The following FAM222B variants were observed in gnomAD, a reference collection of about 807,000 sequenced individuals.
FAM222B encodes the protein family with sequence similarity 222 member B, also known as protein FAM222B.
FAM222B carries 12 observed loss-of-function variants against 38.0 expected under a neutral mutation model. The observed-to-expected ratio is 0.32, with a 90% confidence interval of 0.20 to 0.51. The LOEUF (loss-of-function observed/expected upper bound fraction) is 0.51, where lower values mean the gene tolerates loss of function less well. Among genes scored for constraint, FAM222B ranks in the 20% least tolerant of loss-of-function variants. The pLI is 0.97. For missense variants in FAM222B, 716 were observed against 754.2 expected (o/e 0.95, Z 0.59); for synonymous variants, 329 against 317.2 (o/e 1.04, Z -0.40).
intron 2 of FAM222B, among the ~76,000 whole-genome samples, chr17:28,763,975 A>G (rs896403914): frequency 6.6e-6 from 1 of 152,176 alleles, no homozygotes; most frequent in Non-Finnish European, 1.5e-5. Flanking sequence ...GTGTTCTGCC[A>G]TGGAAGGAAA....
At chr17:28,829,206 CCT>C (rs1307352444) in intron 1 of FAM222B, among the ~76,000 whole-genome samples, 1 of 125,686 alleles carries the variant, frequency 8.0e-6, no homozygotes, top group Non-Finnish European at 1.7e-5. Context: ...GCTTGGCCAC[CCT>C]CTCTCTACTC....
chr17:28,844,598 C>T (rs2039130841), upstream of FAM222B, among the ~76,000 whole-genome samples: 1 of 151,984 alleles, frequency 6.6e-6, no homozygotes, highest in Non-Finnish European at 1.5e-5. Context: ...GCGGAGCTTG[C>T]AGTGAGCCGA....
At chr17:28,777,674 T>G (rs1438601188) in intron 1 of FAM222B, among the ~76,000 whole-genome samples, 1 of 152,164 alleles carries the variant, frequency 6.6e-6, no homozygotes, top group African/African-American at 2.4e-5. Context: ...CTCCGAAAAT[T>G]TGTGGTACAT....
At chr17:28,845,181 C>T (rs1332126024), upstream of FAM222B, among the ~76,000 whole-genome samples, 3 of 151,598 alleles carry the variant, frequency 2.0e-5, no homozygotes, top group Non-Finnish European at 4.4e-5. Context: ...GTGGGCGGAT[C>T]ACGAGGTCAG....
rs748856512 is a variant in FAM222B, at chr17:28,758,621, A to G, written c.1338T>C (p.Asn446=). The part of the protein sequence containing the change: ...NGMAAPLAYP[N]GHYFQPLWNN... ...TCCACAGGGGTTGGAAGTAGTGACC[A>G]TTGGGGTAGGCCAATGGGGCTGCCA... The change falls in exon 3 of 3, where the codon AAT becomes AAC. Residue 446 remains asparagine, a synonymous_variant. Transcript: ENST00000581407. 45 of 1,611,750 alleles carry G rather than the reference A, an allele frequency of 2.8e-5. No homozygotes were observed. The highest frequency in any genetic ancestry group is 3.2e-5 in the Non-Finnish European group (38 of 1,179,838).
intron 1 of FAM222B, among the ~76,000 whole-genome samples, chr17:28,811,029 C>T (rs1436927040): frequency 1.3e-5 from 2 of 151,746 alleles, no homozygotes; most frequent in Non-Finnish European, 2.9e-5. Flanking sequence ...AACTCTGAAC[C>T]ATTTTAATTA....
At chr17:28,803,452 C>T (rs1450652345) in intron 1 of FAM222B, among the ~76,000 whole-genome samples, 1 of 151,894 alleles carries the variant, frequency 6.6e-6, no homozygotes, top group Non-Finnish European at 1.5e-5. Context: ...AGTACAGGCA[C>T]ACATCACCAC....
intron 1 of FAM222B, among the ~76,000 whole-genome samples, chr17:28,806,529 G>C (rs1313658817): frequency 6.6e-6 from 1 of 152,154 alleles, no homozygotes; most frequent in African/African-American, 2.4e-5. Context: ...GCTGGGTCAG[G>C]AGTACTGCTT....
upstream of FAM222B, among the ~76,000 whole-genome samples, chr17:28,844,579 A>G (rs906044491): frequency 6.6e-6 from 1 of 152,002 alleles, no homozygotes; most frequent in Admixed American, 6.6e-5. Context: ...AATGGCGTGA[A>G]CCCGGGAGGC....
intron 1 of FAM222B, among the ~76,000 whole-genome samples, chr17:28,811,961 T>C (rs529931088): frequency 7.9e-5 from 12 of 152,292 alleles, no homozygotes; most frequent in Admixed American, 2.0e-4. Flanking sequence ...GGCTCCTCTT[T>C]TCTTCTCTGT....
intron 1 of FAM222B, among the ~76,000 whole-genome samples, chr17:28,805,432 G>C (rs952814173): frequency 4.6e-5 from 7 of 152,130 alleles, no homozygotes; most frequent in African/African-American, 1.7e-4. Context: ...CTATTCAGGA[G>C]GCTGAGGCAC....
At chr17:28,766,754 G>T in intron 1 of FAM222B, 47 bp from the exon 2 acceptor site, 1 of 1,081,174 alleles carries the variant, frequency 9.2e-7, no homozygotes, top group Non-Finnish European at 1.4e-6. Context: ...CAACTCATTC[G>T]AAGAAGAGAG....
intron 1 of FAM222B, among the ~76,000 whole-genome samples, chr17:28,818,542 A>C (rs1408863559): frequency 1.3e-5 from 2 of 151,582 alleles, no homozygotes; most frequent in Non-Finnish European, 2.9e-5. Flanking sequence ...CTCAAAAAAA[A>C]AAAAGAATAA....
At position 28,854,835 on chromosome 17, in the gene FAM222B, T is replaced by C. The variant is rs2039215482; in HGVS notation, c.-41+115A>G. The stretch of plus-strand genomic sequence containing the variant: ...GGGAGTCCAAAACTACCGTCATGCT[T>C]GCACAGACTCTAAATACACATTTTC... On this transcript the variant is annotated intron_variant, in intron 1 of 2. Coordinates refer to the FAM222B transcript ENST00000577513. The C allele has an allele frequency of 5.3e-6, 3 of 570,652 alleles. No homozygotes were observed. The Admixed American group carries it at 1.1e-4, about 20-fold the overall frequency. The allele number at this position is 570,652 out of a possible 1,614,324, so 35.3% of individuals were successfully genotyped here.
intron 1 of FAM222B, among the ~76,000 whole-genome samples, chr17:28,817,400 G>C (rs1361032691): frequency 1.3e-5 from 2 of 148,562 alleles, no homozygotes; most frequent in Non-Finnish European, 3.0e-5. Context: ...GCAACAGAGT[G>C]AGACTCTGTC....
intron 1 of FAM222B, among the ~76,000 whole-genome samples, chr17:28,819,069 C>A (rs1230576233): frequency 1.3e-5 from 2 of 152,216 alleles, no homozygotes; most frequent in African/African-American, 4.8e-5. Flanking sequence ...TTATAACCAA[C>A]ACAGAGCCAA....
chr17:28,822,864 TACACAC>T (rs1555585795), intron 1 of FAM222B, among the ~76,000 whole-genome samples: 10 of 79,986 alleles, frequency 1.3e-4, no homozygotes, highest in African/African-American at 4.1e-4. Context: ...TATATATATA[TACACAC>T]ATATATATAT....
intron 1 of FAM222B, among the ~76,000 whole-genome samples, chr17:28,807,628 C>T (rs185418223): frequency 6.6e-6 from 1 of 152,188 alleles, no homozygotes; most frequent in Non-Finnish European, 1.5e-5. Context: ...TCAAGTGATC[C>T]GTCCGCCTCA....
intron 1 of FAM222B, among the ~76,000 whole-genome samples, chr17:28,813,142 CACACACATACAAAAAAAAAAA>C (rs1351226110): frequency 2.7e-5 from 3 of 109,686 alleles, no homozygotes; most frequent in South Asian, 3.1e-4. Context: ...AAAAAAAAAA[CACACACATACAAAAAAAAAAA>C]ACACACATAG....
Sources: allele counts gnomAD v4.1 joint callset (sites outside exome capture counted in the v4.1 genomes callset), GRCh38; gene constraint gnomAD v4.1.1; transcripts MANE v1.5; gene names NCBI Gene and HGNC (gene_info 2026-07-23, HGNC 2026-07-21).